The following USP6NL variants were observed in gnomAD, a reference collection of about 807,000 sequenced individuals.
The protein encoded by USP6NL is USP6 N-terminal-like protein.
A neutral mutation model predicts 61.9 loss-of-function variants in USP6NL; 26 were observed. That is an observed-to-expected ratio of 0.42 (90% CI 0.31 to 0.58). The LOEUF is 0.58. Among genes scored for constraint, USP6NL ranks in the 20% least tolerant of loss-of-function variants. USP6NL has a pLI of 0.16. For missense variants in USP6NL, 1,114 were observed against 1,034.3 expected (o/e 1.08, Z -1.06); for synonymous variants, 432 against 390.1 (o/e 1.11, Z -1.27).
chr10:11,547,145 T>G (rs1423407955), intron 2 of USP6NL, among the ~76,000 whole-genome samples: 1 of 152,212 alleles, frequency 6.6e-6, no homozygotes, highest in East Asian at 1.9e-4. Context: ...TGCACAAGTT[T>G]CAGTCTCATA....
intron 6 of USP6NL, among the ~76,000 whole-genome samples, chr10:11,505,655 G>A (rs1365407085): frequency 6.6e-6 from 1 of 152,088 alleles, no homozygotes; most frequent in East Asian, 1.9e-4. Flanking sequence ...TAGTCCCACA[G>A]AAACATTTAA....
In USP6NL at chr10:11,599,859, C is replaced by T. The variant is rs779126440; in HGVS notation, c.-83-2142G>A. 7.6e-4 allele frequency among the ~76,000 whole-genome samples: 116 copies of T among 151,788 alleles called. 3 individuals are homozygous for T. The highest frequency in any genetic ancestry group is 5.4e-3 in the Admixed American group (83 of 15,232). On this transcript the variant is annotated intron_variant, in intron 1 of 14. Transcript: ENST00000609104. Reference sequence around the variant, plus strand: ...TATTTTTCACAGAGACAGCATTTCACGGTGTTAGCCAGGATGGTCTCGATC... The same window carrying T: ...TATTTTTCACAGAGACAGCATTTCATGGTGTTAGCCAGGATGGTCTCGATC...
At chr10:11,581,698 T>C (rs1468413240) in intron 2 of USP6NL, among the ~76,000 whole-genome samples, 4 of 152,244 alleles carry the variant, frequency 2.6e-5, no homozygotes, top group Admixed American at 2.0e-4. Flanking sequence ...CTCTTCTCTC[T>C]TTTTTGGGTT....
chr10:11,535,156 G>A (rs188145669), intron 2 of USP6NL, among the ~76,000 whole-genome samples: 1 of 152,314 alleles, frequency 6.6e-6, no homozygotes, highest in Non-Finnish European at 1.5e-5. Flanking sequence ...TCTGGGGGAA[G>A]AGGCAGAGGC....
At position 11,503,817 on chromosome 10, in the gene USP6NL, AGAACGTGAATCAC is replaced by A. The variant is rs1441633199; in HGVS notation, c.277-2622_277-2610del. Among the ~76,000 whole-genome samples the A allele has an allele frequency of 2.0e-5, 3 of 152,224 alleles. No individual in the cohort carries two copies. The East Asian group carries it at 5.8e-4, about 29-fold the overall frequency. ...ACCAACAACTCAATTTTACCAACGT[AGAACGTGAATCAC>A]AAAGAGGTTAAATAACTTGCCCAAA... On this transcript the variant is annotated intron_variant, in intron 6 of 14. Coordinates refer to ENST00000609104, the MANE Select transcript of USP6NL (RefSeq NM_014688.5).
At position 11,489,917 on chromosome 10, in the gene USP6NL, G is replaced by T. The variant is rs147033483; in HGVS notation, c.544-695C>A. On this transcript the variant is annotated intron_variant, in intron 9 of 14. Transcript: ENST00000609104. This position sits in a 1 kb window ranked among gnomAD's most constrained non-coding sequence, Gnocchi z 5.7. ...TGAATCTGTGGGTGCAATCTGAGCC[G>T]CAGTATAACTGGCCAGTAGGCAAAG... 3.9e-4 allele frequency among the ~76,000 whole-genome samples: 60 copies of T among 152,300 alleles called. No individual in the cohort carries two copies. Among genetic ancestry groups the T allele is most frequent in the African/African-American group, 1.3e-3 (56 of 41,550 alleles).
At chr10:11,541,230 CATATATATATATATATATATATATATAT>C (rs71378797) in intron 2 of USP6NL, among the ~76,000 whole-genome samples, 53 of 43,204 alleles carry the variant, frequency 1.2e-3, no homozygotes, top group Middle Eastern at 0.019. Context: ...TCAATAGTGC[CATATATATATATATATATATATATATAT>C]ATATATATAT....
chr10:11,568,149 T>TTGTG (rs35053647), intron 2 of USP6NL, among the ~76,000 whole-genome samples: 20,565 of 149,602 alleles, frequency 0.14, 1,548 homozygotes, highest in South Asian at 0.19. Flanking sequence ...CGGGAGGTAG[T>TTGTG]TGTGTGTGTG....
In USP6NL at chr10:11,465,226, T is replaced by C. The variant is rs767893230; in HGVS notation, c.1079-1377A>G. 3.3e-5 allele frequency among the ~76,000 whole-genome samples: 5 copies of C among 152,242 alleles called. No individual in the cohort carries two copies. The highest frequency in any genetic ancestry group is 1.3e-4 in the Admixed American group (2 of 15,288). On this transcript the variant is annotated intron_variant, in intron 14 of 14. Coordinates refer to ENST00000609104, the MANE Select transcript of USP6NL (RefSeq NM_014688.5). The surrounding 1 kb of genome is among the most constrained non-coding windows in gnomAD (Gnocchi z 4.5). ...CTAAGGGCAGAACCCAGTAATCTGA[T>C]TGGCTAATTCAGTGGCTGGCTGATA...
At chr10:11,538,044 G>A (rs576633818) in intron 2 of USP6NL, among the ~76,000 whole-genome samples, 5 of 152,268 alleles carry the variant, frequency 3.3e-5, no homozygotes, top group African/African-American at 7.2e-5. Flanking sequence ...AGCACCTTGC[G>A]TCAGGTAGAT....
intron 2 of USP6NL, among the ~76,000 whole-genome samples, chr10:11,558,325 C>T (rs910897128): frequency 4.6e-5 from 7 of 152,196 alleles, no homozygotes; most frequent in African/African-American, 1.2e-4. Context: ...AGCAATATTC[C>T]GAAGTTCTGG....
chr10:11,509,825 C>G (rs1381096445), intron 5 of USP6NL, 150 bp from the exon 6 acceptor site: 24 of 635,028 alleles, frequency 3.8e-5, no homozygotes, highest in Admixed American at 6.1e-5. Flanking sequence ...TGGATAATAT[C>G]AGAACTGTAT....
Position 11,499,813 on chromosome 10 carries a change from T to C in USP6NL, c.384+1288A>G, listed in dbSNP as rs1224925159. On this transcript the variant is annotated intron_variant, in intron 7 of 14. Transcript: ENST00000609104. The surrounding 1 kb of genome is among the most constrained non-coding windows in gnomAD (Gnocchi z 4.5). ...AAGAACTGTGTGAGAGAGAGTTCTGTTGTTTTGAGCCGCTTAGTTTGTGGT... is the reference window on the plus strand; with the variant it reads ...AAGAACTGTGTGAGAGAGAGTTCTGCTGTTTTGAGCCGCTTAGTTTGTGGT... Among the ~76,000 whole-genome samples the C allele has an allele frequency of 6.6e-6, 1 of 152,250 alleles. No homozygotes were observed. Among genetic ancestry groups the C allele is most frequent in the East Asian group, 1.9e-4 (1 of 5,204 alleles).
rs74116280 is a variant in USP6NL at position 11,602,076 on chromosome 10, C to T, written c.-83-4359G>A. Among the ~76,000 whole-genome samples the T allele has an allele frequency of 6.6e-6, 1 of 152,152 alleles. No individual in the cohort carries two copies. On this transcript the variant is annotated intron_variant, in intron 1 of 14. Coordinates refer to ENST00000609104, the MANE Select transcript of USP6NL (RefSeq NM_014688.5). This position sits in a 1 kb window ranked among gnomAD's most constrained non-coding sequence, Gnocchi z 4.8. ...ACATACATATACATACATATACACACACACACACGTCCAAATAACAAGGGA... is the reference window on the plus strand; with the variant it reads ...ACATACATATACATACATATACACATACACACACGTCCAAATAACAAGGGA...
rs1258406319 is a variant in USP6NL, at chr10:11,496,817, G to A, written c.385-3589C>T. ...GTCTAGAATAAGGCTATTTGGGCAT[G>A]TCTAGAATAAGTATGTGTATGTTAA... On this transcript the variant is annotated intron_variant, in intron 7 of 14. Transcript: ENST00000609104. This position sits in a 1 kb window ranked among gnomAD's most constrained non-coding sequence, Gnocchi z 5.4. 6.6e-6 allele frequency among the ~76,000 whole-genome samples: 1 copy of A among 152,096 alleles called. No individual in the cohort carries two copies. Among genetic ancestry groups the A allele is most frequent in the Non-Finnish European group, 1.5e-5 (1 of 68,024 alleles).
In USP6NL at chr10:11,489,714, C is replaced by G. The variant is rs553187318; in HGVS notation, c.544-492G>C. ...CCATAGTCCCTGCTTATGATGTGGC[C>G]TTAAGGATTCATGCTTGTGCCACAG... is the stretch of plus-strand genomic sequence containing the variant. On this transcript the variant is annotated intron_variant, in intron 9 of 14. Coordinates refer to ENST00000609104, the MANE Select transcript of USP6NL (RefSeq NM_014688.5). The surrounding 1 kb of genome is among the most constrained non-coding windows in gnomAD (Gnocchi z 5.7). 2.0e-5 allele frequency among the ~76,000 whole-genome samples: 3 copies of G among 152,266 alleles called. No homozygotes were observed. The East Asian group carries it at 5.8e-4, about 29-fold the overall frequency.
chr10:11,611,091 G>A lies in USP6NL; in HGVS notation c.-84+352C>T. The stretch of plus-strand genomic sequence containing the variant: ...TCCTGCCCACTGGGGCTCGGGAGAC[G>A]CGACCGAAACTTGCGAGGGAGACGC... On this transcript the variant is annotated intron_variant, in intron 1 of 14. Transcript: ENST00000609104. The surrounding 1 kb of genome is among the most constrained non-coding windows in gnomAD (Gnocchi z 5.3). 6.6e-6 allele frequency among the ~76,000 whole-genome samples: 1 copy of A among 152,098 alleles called. No individual in the cohort carries two copies. Among genetic ancestry groups the A allele is most frequent in the East Asian group, 1.9e-4 (1 of 5,192 alleles).
rs1473528871 is a variant in USP6NL, at chr10:11,461,279, G to A, written c.*1162C>T. ...CTTGAATTTGTTTCAATGAAAAAAA[G>A]ATGTTCAAAAGCATGAAATCACACT... is the stretch of plus-strand genomic sequence containing the variant. On this transcript the variant is annotated 3_prime_UTR_variant, in exon 15 of 15. Transcript: ENST00000609104. 1.5e-5 allele frequency: 2 copies of A among 135,882 alleles called. No homozygotes were observed. Among genetic ancestry groups the A allele is most frequent in the African/African-American group, 5.4e-5 (2 of 37,152 alleles). 8.4% of individuals were successfully genotyped at this position (135,882 alleles called of 1,614,324 possible). A position where few individuals can be genotyped will look rare whatever the true frequency, so the allele number is the denominator to read the frequency against.
At chr10:11,471,418 C>T (rs1307205249) in intron 14 of USP6NL, among the ~76,000 whole-genome samples, 1 of 152,110 alleles carries the variant, frequency 6.6e-6, no homozygotes, top group African/African-American at 2.4e-5. Flanking sequence ...GTCAGTGTGG[C>T]GATTCCTCAA....
Sources: gnomAD v4.1 joint callset for allele counts (sites outside exome capture counted in the v4.1 genomes callset) on GRCh38, gnomAD v4.1.1 for gene constraint, Gnocchi (gnomAD v3.1) non-coding constraint, MANE v1.5 for transcripts, NCBI Gene and HGNC (gene_info 2026-07-23, HGNC 2026-07-21) for gene names.